Variants in FRY observed in about 807,000 individuals in gnomAD.
FRY encodes the protein protein furry homolog.
Under a neutral mutation model 348.4 loss-of-function variants are expected in FRY, and 128 were observed. That is an observed-to-expected ratio of 0.37 (90% CI 0.32 to 0.43). FRY has a LOEUF of 0.43. FRY is among the 20% of genes least tolerant of loss of function. The pLI, the probability that FRY is intolerant of heterozygous loss-of-function variation, is 1.00. For missense variants in FRY, 2,736 were observed against 3,695.2 expected (o/e 0.74, Z 6.73); for synonymous variants, 1,370 against 1,374.7 (o/e 1.00, Z 0.08).
chr13:32,185,295 A>G, intron 26 of FRY, 147 bp downstream of exon 26: 3 of 721,956 alleles, frequency 4.2e-6, no homozygotes, highest in South Asian at 1.5e-5. Flanking sequence ...TAGGACATAT[A>G]TATGAGAACA....
rs780170366 is a variant in FRY, at chr13:32,208,982, G to A, written c.4148G>A (p.Ser1383Asn). 1.2e-6 allele frequency: 2 copies of A among 1,614,196 alleles called. No homozygotes were observed. Among genetic ancestry groups the A allele is most frequent in the South Asian group, 1.1e-5 (1 of 91,084 alleles). The change falls in exon 32 of 61, where the codon AGC (serine) becomes AAC (asparagine). Residue 1383 changes from serine to asparagine, a missense_variant. By Grantham distance (46) the Ser-to-Asn change is conservative. Coordinates refer to ENST00000542859, the MANE Select transcript of FRY (RefSeq NM_023037.3). ...RLLLPGSSPS[S>N]PEDEVKDREG... Reference sequence around the variant, plus strand: ...CTCCTCCCGGGGTCGAGCCCCAGCAGCCCAGAGGACGAAGTCAAGGACCGG... The same window carrying A: ...CTCCTCCCGGGGTCGAGCCCCAGCAACCCAGAGGACGAAGTCAAGGACCGG...
chr13:32,227,041 T>A (rs577187258), intron 39 of FRY, among the ~76,000 whole-genome samples: 48 of 152,348 alleles, frequency 3.2e-4, no homozygotes, highest in African/African-American at 1.0e-3. Context: ...CAGAGAAAAC[T>A]GTAATATCTG....
intron 41 of FRY, 50 bp downstream of exon 41, chr13:32,231,350 G>A (rs750717554): frequency 1.3e-6 from 2 of 1,580,486 alleles, no homozygotes; most frequent in South Asian, 2.2e-5. Context: ...GTTCTGTAAT[G>A]GACACTGTCT....
Position 32,295,786 on chromosome 13 carries a change from C to CCTG in FRY, c.*326_*327insCTG. ...GCCGACTACACTGAACAGTACCTTCCTTTCTAGAAACAATTTTAGATTGGC... is the reference window on the plus strand; with the variant it reads ...GCCGACTACACTGAACAGTACCTTCCCTGTTTCTAGAAACAATTTTAGATTGGC... On this transcript the variant is annotated 3_prime_UTR_variant, in exon 61 of 61. Transcript: ENST00000542859. 1 of 332,216 alleles carries CCTG rather than the reference C, an allele frequency of 3.0e-6. No homozygotes were observed. Among genetic ancestry groups the CCTG allele is most frequent in the Non-Finnish European group, 5.5e-6 (1 of 180,288 alleles). 20.6% of individuals were successfully genotyped at this position (332,216 alleles called of 1,614,324 possible).
At chr13:32,203,488 C>T (rs1039005913) in intron 31 of FRY, among the ~76,000 whole-genome samples, 14 of 152,048 alleles carry the variant, frequency 9.2e-5, no homozygotes, top group Non-Finnish European at 1.9e-4. Flanking sequence ...CACTGGAGAC[C>T]GAGGAGGGCT....
intron 2 of FRY, among the ~76,000 whole-genome samples, chr13:32,097,049 C>G (rs1162067681): frequency 2.6e-5 from 4 of 152,032 alleles, no homozygotes; most frequent in Non-Finnish European, 5.9e-5. Flanking sequence ...CCATGTTTAT[C>G]AGCTTCCCAT....
At chr13:32,217,947 C>T (rs1885094274) in intron 35 of FRY, among the ~76,000 whole-genome samples, 1 of 152,100 alleles carries the variant, frequency 6.6e-6, no homozygotes, top group Admixed American at 6.6e-5. Flanking sequence ...ACATTACTCC[C>T]CAACTAGGAC....
chr13:32,275,245 G>A (rs768274476), intron 56 of FRY: 124 of 321,898 alleles, frequency 3.9e-4, no homozygotes, highest in Admixed American at 6.3e-4. Flanking sequence ...AAAATTAGCC[G>A]GGTGTAGTGG....
intron 15 of FRY, among the ~76,000 whole-genome samples, chr13:32,156,346 G>T (rs924589262): frequency 1.8e-4 from 27 of 152,116 alleles, no homozygotes; most frequent in African/African-American, 6.5e-4. Context: ...AGTGGCTCAC[G>T]CCTGTAATCC....
intron 1 of FRY, among the ~76,000 whole-genome samples, chr13:32,037,711 T>C (rs191109633): frequency 1.3e-5 from 2 of 152,342 alleles, no homozygotes; most frequent in East Asian, 3.9e-4. Context: ...TGATATAACA[T>C]GCAAAGATTC....
intron 3 of FRY, among the ~76,000 whole-genome samples, chr13:32,109,791 G>A (rs1434081005): frequency 6.6e-6 from 1 of 152,202 alleles, no homozygotes; most frequent in Non-Finnish European, 1.5e-5. Context: ...AATATCTCAA[G>A]AAAAATAACG....
intron 39 of FRY, among the ~76,000 whole-genome samples, chr13:32,226,618 A>G (rs1885597836): frequency 6.6e-6 from 1 of 152,220 alleles, no homozygotes; most frequent in Non-Finnish European, 1.5e-5. Context: ...AATGATGATG[A>G]AGATTACCAA....
Position 32,072,877 on chromosome 13 carries a change from A to G in FRY, c.71-5957A>G, listed in dbSNP as rs370709760. 2.6e-5 allele frequency among the ~76,000 whole-genome samples: 4 copies of G among 152,366 alleles called. No homozygotes were observed. The South Asian group carries it at 6.2e-4, about 24-fold the overall frequency. Reference sequence around the variant, plus strand: ...AAGAATAATTTATGTACAACCATGAACAAAGAAATCTCATAATTTACTCCT... The same window carrying G: ...AAGAATAATTTATGTACAACCATGAGCAAAGAAATCTCATAATTTACTCCT... On this transcript the variant is annotated intron_variant, in intron 1 of 60. Transcript: ENST00000542859.
chr13:32,099,356 A>G (rs1876997762), intron 2 of FRY, among the ~76,000 whole-genome samples: 1 of 151,866 alleles, frequency 6.6e-6, no homozygotes, highest in Non-Finnish European at 1.5e-5. Context: ...ATACACACAC[A>G]CTAACACATA....
At position 32,176,992 on chromosome 13, in the gene FRY, C is replaced by T. The variant is rs192560927; in HGVS notation, c.2422-1185C>T. ...ATGTTGCCATCTCATCTCTCAGGCT[C>T]TGTAGCTCCAGCTCTGCCCCTTACA... On this transcript the variant is annotated intron_variant, in intron 20 of 60. Coordinates refer to ENST00000542859, the MANE Select transcript of FRY (RefSeq NM_023037.3). 9.8e-5 allele frequency among the ~76,000 whole-genome samples: 15 copies of T among 152,320 alleles called. 1 individual carries two copies. Among genetic ancestry groups the T allele is most frequent in the Admixed American group, 3.9e-4 (6 of 15,296 alleles).
intron 11 of FRY, among the ~76,000 whole-genome samples, chr13:32,144,408 TAA>T (rs1880275843): frequency 1.3e-5 from 2 of 150,286 alleles, no homozygotes; most frequent in Admixed American, 1.3e-4. Context: ...TAACACATTA[TAA>T]AACCTGAATA....
intron 1 of FRY, among the ~76,000 whole-genome samples, chr13:32,059,278 G>C (rs1364067938): frequency 6.6e-6 from 1 of 151,950 alleles, no homozygotes; most frequent in Non-Finnish European, 1.5e-5. Flanking sequence ...CTGGAGACTT[G>C]AGGATGACAA....
At chr13:32,036,516 A>C (rs1210262369) in intron 1 of FRY, among the ~76,000 whole-genome samples, 1 of 152,160 alleles carries the variant, frequency 6.6e-6, no homozygotes, top group Non-Finnish European at 1.5e-5. Flanking sequence ...TTCTTGAATA[A>C]CAATAACTGC....
At chr13:32,240,483 T>G (rs1886444397) in intron 46 of FRY, among the ~76,000 whole-genome samples, 1 of 152,212 alleles carries the variant, frequency 6.6e-6, no homozygotes. Flanking sequence ...TATTCTCGCC[T>G]TTTATGTTTG....
Sources: gnomAD v4.1 joint callset for allele counts (sites outside exome capture counted in the v4.1 genomes callset) on GRCh38, gnomAD v4.1.1 for gene constraint, MANE v1.5 for transcripts, NCBI Gene and HGNC (gene_info 2026-07-23, HGNC 2026-07-21) for gene names.